The following MON2 variants were observed in gnomAD, a reference collection of about 807,000 sequenced individuals.
The protein encoded by MON2 is MON2 regulator of endosome-to-Golgi trafficking.
MON2 carries 84 observed loss-of-function variants against 208.6 expected under a neutral mutation model. The ratio of observed to expected loss-of-function variants is 0.40; its 90% CI spans 0.34 to 0.48. The LOEUF (loss-of-function observed/expected upper bound fraction) is 0.48, where lower values mean the gene tolerates loss of function less well. Among genes scored for constraint, MON2 ranks in the 20% least tolerant of loss-of-function variants. The probability of loss-of-function intolerance (pLI) is 0.59; values close to 1 mark genes in which losing one functional copy is unlikely to be tolerated. For missense variants in MON2, 1,611 were observed against 2,015.4 expected, an observed-to-expected ratio of 0.80 and a Z score of 3.84; for synonymous variants, 660 against 694.0, an observed-to-expected ratio of 0.95 and a Z score of 0.77.
chr12:62,539,550 A>G (rs1334543703), intron 19 of MON2, among the ~76,000 whole-genome samples: 27 of 151,752 alleles, frequency 1.8e-4, no homozygotes, highest in African/African-American at 5.3e-4. Context: ...TACAGGCATG[A>G]GCCACCGCGC....
At chr12:62,509,834 A>G (rs1323836886) in intron 8 of MON2, among the ~76,000 whole-genome samples, 5 of 152,056 alleles carry the variant, frequency 3.3e-5, no homozygotes, top group African/African-American at 9.7e-5. Context: ...AAATAAACAA[A>G]ATGGAGAATA....
intron 2 of MON2, chr12:62,484,654 A>G (rs1345285212): frequency 1.3e-5 from 2 of 154,780 alleles, no homozygotes; most frequent in African/African-American, 4.8e-5. Context: ...TTCATAACAT[A>G]GTCTTCTGTA....
At chr12:62,550,905 CTTTCTTTTTT>C (rs553259107) in intron 23 of MON2, among the ~76,000 whole-genome samples, 35,902 of 113,354 alleles carry the variant, frequency 0.32, 3,248 homozygotes, top group African/African-American at 0.38. Flanking sequence ...TTTCTTCTTT[CTTTCTTTTTT>C]TTTTTTTTTT....
Position 62,532,519 on chromosome 12 carries a change from C to G in MON2, c.1482C>G (p.Asp494Glu). ...CTGTGGCATTCCATTGTTTGCTAGA[C>G]CTTGTTCGTGGAATCACAAGTATGA... is the stretch of plus-strand genomic sequence containing the variant. ...AMSVAFHCLLDLVRGITSMIE... is the reference protein window; with the variant it reads ...AMSVAFHCLLELVRGITSMIE... The change falls in exon 12 of 35, where the codon GAC becomes GAG. Residue 494 changes from aspartate (D) to glutamate (E), a missense_variant. Transcript: ENST00000393630. 6.2e-7 allele frequency: 1 copy of G among 1,614,032 alleles called. No homozygotes were observed. The highest frequency in any genetic ancestry group is 8.5e-7 in the Non-Finnish European group (1 of 1,179,996).
intron 34 of MON2, among the ~76,000 whole-genome samples, chr12:62,588,410 T>C (rs2075289249): frequency 6.6e-6 from 1 of 152,118 alleles, no homozygotes; most frequent in African/African-American, 2.4e-5. Context: ...AGTCAGGTTA[T>C]TGCAAGAATA....
chr12:62,588,109 C>G lies in MON2; in HGVS notation c.4943C>G (p.Ala1648Gly), dbSNP rs1166365265. Residue 1648 changes from alanine (A) to glycine (G), a missense_variant, in exon 34 of 35, where the codon GCA (alanine) becomes GGA (glycine). Ala to Gly is a moderately conservative substitution (Grantham distance 60, BLOSUM62 0). Coordinates refer to ENST00000393630, the MANE Select transcript of MON2 (RefSeq NM_015026.3). Reference protein sequence around the residue: ...QVTEIIFVLKAVSTLIDSLKK... With the variant: ...QVTEIIFVLKGVSTLIDSLKK... ...ACAGAAATTATATTTGTTTTAAAAG[C>G]AGTCAGTACTCTTATTGATTCACTT... 2 of 1,582,216 alleles carry G rather than the reference C, an allele frequency of 1.3e-6. No homozygotes were observed. The highest frequency in any genetic ancestry group is 1.7e-6 in the Non-Finnish European group (2 of 1,153,672).
intron 8 of MON2, among the ~76,000 whole-genome samples, chr12:62,515,253 T>C (rs1354057550): frequency 6.6e-6 from 1 of 152,170 alleles, no homozygotes; most frequent in Non-Finnish European, 1.5e-5. Context: ...CATTGTCAGA[T>C]GAACAAACCA....
chr12:62,568,279 A>G (rs1309920947), intron 29 of MON2, among the ~76,000 whole-genome samples: 1 of 152,230 alleles, frequency 6.6e-6, no homozygotes, highest in Non-Finnish European at 1.5e-5. Context: ...TCATAAGATC[A>G]GACTTTATTC....
At chr12:62,474,104 TTTTTC>T (rs1363542856) in intron 1 of MON2, among the ~76,000 whole-genome samples, 39 of 151,702 alleles carry the variant, frequency 2.6e-4, no homozygotes, top group Admixed American at 5.9e-4. Context: ...GAACTTCTTC[TTTTTC>T]TTTTCTTTTC....
intron 8 of MON2, among the ~76,000 whole-genome samples, chr12:62,518,990 G>T (rs2071855028): frequency 6.6e-6 from 1 of 152,086 alleles, no homozygotes; most frequent in African/African-American, 2.4e-5. Context: ...TTATTTCTCT[G>T]TATTTTCTTT....
At chr12:62,547,649 A>G (rs996237454) in intron 22 of MON2, among the ~76,000 whole-genome samples, 3 of 152,208 alleles carry the variant, frequency 2.0e-5, no homozygotes, top group African/African-American at 7.2e-5. Context: ...GAGAAAGTAT[A>G]GTTATACGCT....
chr12:62,538,787 TA>T (rs1333214006), intron 19 of MON2, among the ~76,000 whole-genome samples: 4 of 152,014 alleles, frequency 2.6e-5, no homozygotes, highest in Non-Finnish European at 4.4e-5. Flanking sequence ...AATACAGTTT[TA>T]TAGGTTATAT....
At chr12:62,516,459 C>G (rs1316731883) in intron 8 of MON2, among the ~76,000 whole-genome samples, 1 of 152,286 alleles carries the variant, frequency 6.6e-6, no homozygotes, top group South Asian at 2.1e-4. Flanking sequence ...AGTCCCAGCA[C>G]TTTGGGAGGC....
intron 19 of MON2, among the ~76,000 whole-genome samples, chr12:62,542,247 T>C (rs538760965): frequency 9.4e-4 from 143 of 152,312 alleles, no homozygotes; most frequent in Middle Eastern, 3.4e-3. Flanking sequence ...AAGGAAGATA[T>C]TATCACACAT....
intron 1 of MON2, among the ~76,000 whole-genome samples, chr12:62,470,203 A>T (rs560954764): frequency 6.6e-6 from 1 of 152,228 alleles, no homozygotes; most frequent in Admixed American, 6.5e-5. Flanking sequence ...CAGGCTGCCC[A>T]TGTAATTCTT....
chr12:62,481,252 C>T (rs368898390), intron 1 of MON2, among the ~76,000 whole-genome samples: 2 of 152,046 alleles, frequency 1.3e-5, no homozygotes, highest in African/African-American at 2.4e-5. Flanking sequence ...CTCGGCCAGG[C>T]GTGGTGGCTC....
intron 34 of MON2, among the ~76,000 whole-genome samples, chr12:62,590,186 GC>G (rs1196167363): frequency 2.0e-5 from 3 of 152,098 alleles, no homozygotes; most frequent in African/African-American, 7.2e-5. Flanking sequence ...GACCTCCTGG[GC>G]TCAAGCGATC....
rs192904006 is a variant in MON2, at chr12:62,508,668, A to G, written c.984+188A>G. 6.7e-4 allele frequency: 374 copies of G among 559,986 alleles called. 1 individual carries two copies. The highest frequency in any genetic ancestry group is 6.5e-3 in the African/African-American group (348 of 53,404). 34.7% of individuals were successfully genotyped at this position (559,986 alleles called of 1,614,324 possible). ...TCTTGAATCTTGCTTATGTTTATAG[A>G]GTATTCATAATGTGTGAAGCAGAGT... On this transcript the variant is annotated intron_variant, in intron 8 of 34. Transcript: ENST00000393630.
In MON2 at chr12:62,541,557, G is replaced by T. The variant is rs76892407; in HGVS notation, c.2365-1540G>T. Among the ~76,000 whole-genome samples the T allele has an allele frequency of 4.7e-3, 720 of 152,222 alleles. 6 individuals are homozygous for T. The highest frequency in any genetic ancestry group is 0.016 in the African/African-American group (665 of 41,530). ...ATTTAAAACAACTCTGTGAGATTTAGTGGTAATATACCCTTTTACAGATGA... is the reference window on the plus strand; with the variant it reads ...ATTTAAAACAACTCTGTGAGATTTATTGGTAATATACCCTTTTACAGATGA... On this transcript the variant is annotated intron_variant, in intron 19 of 34. Coordinates refer to ENST00000393630, the MANE Select transcript of MON2 (RefSeq NM_015026.3).
Sources: allele counts gnomAD v4.1 joint callset (sites outside exome capture counted in the v4.1 genomes callset), GRCh38; gene constraint gnomAD v4.1.1; transcripts MANE v1.5; gene names NCBI Gene and HGNC (gene_info 2026-07-23, HGNC 2026-07-21).